Variants in FRMD3 observed in about 807,000 individuals in gnomAD.
The protein encoded by FRMD3 is FERM domain containing 3, also known as FERM domain-containing protein 3.
In FRMD3, 33 loss-of-function variants were observed where a neutral mutation model predicts 70.2. The observed-to-expected ratio is 0.47, with a 90% CI of 0.36 to 0.63. FRMD3 has a LOEUF of 0.63. Ranked by LOEUF, FRMD3 falls within the 20% of genes least tolerant of loss-of-function variation. The pLI is 0.00. For synonymous variants in FRMD3, 279 were observed against 255.9 expected (o/e 1.09, Z -0.86); for missense variants, 632 against 711.4 (o/e 0.89, Z 1.27).
chr9:83,411,556 G>A (rs1194481060), intron 1 of FRMD3, among the ~76,000 whole-genome samples: 2 of 152,208 alleles, frequency 1.3e-5, no homozygotes, highest in Non-Finnish European at 2.9e-5. Context: ...GACTCTGCTG[G>A]ATACTCCTTT....
chr9:83,350,526 G>C (rs1433842862), intron 3 of FRMD3, among the ~76,000 whole-genome samples: 2 of 150,738 alleles, frequency 1.3e-5, no homozygotes, highest in Admixed American at 1.3e-4. Context: ...AGGAGGCTGA[G>C]GCAGGAGAAT....
chr9:83,423,632 C>T (rs567297696), intron 1 of FRMD3, among the ~76,000 whole-genome samples: 24 of 105,068 alleles, frequency 2.3e-4, no homozygotes, highest in Non-Finnish European at 3.6e-4. Flanking sequence ...GTTTCGCTTG[C>T]ATCGCTCAGG....
intron 3 of FRMD3, among the ~76,000 whole-genome samples, chr9:83,361,099 C>T (rs534889986): frequency 1.4e-4 from 22 of 152,316 alleles, no homozygotes; most frequent in African/African-American, 5.3e-4. Context: ...CATAGCTGCT[C>T]TTCTTGGAAA....
intron 1 of FRMD3, among the ~76,000 whole-genome samples, chr9:83,462,179 A>G (rs1420400860): frequency 6.6e-6 from 1 of 152,206 alleles, no homozygotes; most frequent in African/African-American, 2.4e-5. Context: ...CTTAGCAGAT[A>G]AACTCAGGTG....
intron 1 of FRMD3, among the ~76,000 whole-genome samples, chr9:83,488,972 T>TTGTG (rs4014025): frequency 0.086 from 11,702 of 135,390 alleles, 665 homozygotes; most frequent in African/African-American, 0.14. Flanking sequence ...CCCTATACCT[T>TTGTG]TGTGTGTGTG....
At chr9:83,461,486 C>T (rs1025317766) in intron 1 of FRMD3, among the ~76,000 whole-genome samples, 1 of 151,910 alleles carries the variant, frequency 6.6e-6, no homozygotes, top group Non-Finnish European at 1.5e-5. Context: ...CTTGAGGGAA[C>T]ACAGGGTATC....
At chr9:83,418,497 T>C (rs1413634974) in intron 1 of FRMD3, among the ~76,000 whole-genome samples, 2 of 151,936 alleles carry the variant, frequency 1.3e-5, no homozygotes, top group East Asian at 3.9e-4. Context: ...AAAGAAGATA[T>C]GCAAACAGCC....
intron 6 of FRMD3, among the ~76,000 whole-genome samples, chr9:83,323,393 G>A (rs911434331): frequency 6.6e-6 from 1 of 152,144 alleles, no homozygotes. Flanking sequence ...TTGAACAAAA[G>A]AAGCCAAATG....
chr9:83,351,651 AG>A (rs1202435803), intron 3 of FRMD3, among the ~76,000 whole-genome samples: 1 of 151,890 alleles, frequency 6.6e-6, no homozygotes, highest in African/African-American at 2.4e-5. Context: ...TAATAGAGAT[AG>A]ATAGAGATAG....
chr9:83,262,261 C>T, intron 13 of FRMD3, among the ~76,000 whole-genome samples: 1 of 152,194 alleles, frequency 6.6e-6, no homozygotes, highest in African/African-American at 2.4e-5. Flanking sequence ...TCTTTACCTC[C>T]AATAACACAC....
upstream of FRMD3, among the ~76,000 whole-genome samples, chr9:83,542,260 C>T (rs191689596): frequency 6.6e-6 from 1 of 152,290 alleles, no homozygotes; most frequent in East Asian, 1.9e-4. Flanking sequence ...CTTTGGTAAG[C>T]CACAAATAGA....
intron 1 of FRMD3, among the ~76,000 whole-genome samples, chr9:83,530,828 T>A (rs1324696783): frequency 1.3e-5 from 2 of 152,170 alleles, no homozygotes; most frequent in African/African-American, 4.8e-5. Context: ...GTTATCTTTT[T>A]AGGAGCCATT....
chr9:83,531,657 T>C (rs957806034), intron 1 of FRMD3, among the ~76,000 whole-genome samples: 1 of 152,218 alleles, frequency 6.6e-6, no homozygotes, highest in Admixed American at 6.5e-5. Context: ...GGACCTAGCT[T>C]GGATTTCACC....
intron 3 of FRMD3, among the ~76,000 whole-genome samples, chr9:83,355,794 C>T (rs924069577): frequency 6.6e-6 from 1 of 152,186 alleles, no homozygotes; most frequent in Non-Finnish European, 1.5e-5. Context: ...AGCTGAAAAG[C>T]ATTAACTCAG....
rs756877175 is a variant in FRMD3, at chr9:83,538,242, C to A, written c.-11G>T. On this transcript the variant is annotated 5_prime_UTR_variant, in exon 1 of 14. Coordinates refer to ENST00000304195, the MANE Select transcript of FRMD3 (RefSeq NM_174938.6). The surrounding 1 kb of genome is among the most constrained non-coding windows in gnomAD (Gnocchi z 4.7). ...GCAGGAGGCGAACATGCACCGCGGCCGTGGGGAGCGAGCGGGAGGCTCAGG... is the reference window on the plus strand; with the variant it reads ...GCAGGAGGCGAACATGCACCGCGGCAGTGGGGAGCGAGCGGGAGGCTCAGG... 9.5e-5 allele frequency: 148 copies of A among 1,553,156 alleles called. No individual in the cohort carries two copies. Among genetic ancestry groups the A allele is most frequent in the Non-Finnish European group, 1.2e-4 (141 of 1,148,690 alleles).
intron 13 of FRMD3, among the ~76,000 whole-genome samples, chr9:83,255,894 A>G (rs1428144206): frequency 6.6e-6 from 1 of 152,210 alleles, no homozygotes; most frequent in Non-Finnish European, 1.5e-5. Context: ...ATGGAAAAAC[A>G]TTCCATGCTC....
the FRMD3 span, among the ~76,000 whole-genome samples, chr9:83,579,090 G>A: frequency 2.6e-5 from 4 of 151,660 alleles, no homozygotes; most frequent in Admixed American, 1.3e-4. Context: ...TAAACCTTAG[G>A]GGTAAATTTA....
chr9:83,279,807 C>CG (rs921719812), intron 13 of FRMD3, among the ~76,000 whole-genome samples: 3 of 57,196 alleles, frequency 5.2e-5, no homozygotes, highest in African/African-American at 1.4e-4. Context: ...AGCAGGGGGT[C>CG]GGGGGAGGGA....
At chr9:83,473,928 C>T (rs1828331857) in intron 1 of FRMD3, among the ~76,000 whole-genome samples, 1 of 152,214 alleles carries the variant, frequency 6.6e-6, no homozygotes, top group Admixed American at 6.5e-5. Flanking sequence ...CAGTCATAAA[C>T]TCCTGCTGAG....
Sources: gnomAD v4.1 joint callset for allele counts (sites outside exome capture counted in the v4.1 genomes callset) on GRCh38, gnomAD v4.1.1 for gene constraint, Gnocchi (gnomAD v3.1) non-coding constraint, MANE v1.5 for transcripts, NCBI Gene and HGNC (gene_info 2026-07-23, HGNC 2026-07-21) for gene names.